SHROOM3: variants seen among roughly 807,000 people sequenced by gnomAD.
SHROOM3 encodes the protein protein Shroom3.
A neutral mutation model predicts 138.6 loss-of-function variants in SHROOM3; 47 were observed. The observed-to-expected ratio is 0.34, with a 90% CI of 0.27 to 0.43. The LOEUF is 0.43. SHROOM3 is among the 20% of genes least tolerant of loss of function. The pLI, the probability that SHROOM3 is intolerant of heterozygous loss-of-function variation, is 1.00. For synonymous variants in SHROOM3, 1,062 were observed against 1,063.3 expected, an observed-to-expected ratio of 1.00 and a Z score of 0.02; for missense variants, 2,491 against 2,596.5, an observed-to-expected ratio of 0.96 and a Z score of 0.88.
intron 2 of SHROOM3, among the ~76,000 whole-genome samples, chr4:76,588,622 C>T (rs1325402687): frequency 6.6e-6 from 1 of 152,192 alleles, no homozygotes; most frequent in Non-Finnish European, 1.5e-5. Flanking sequence ...AGTGTCCAGC[C>T]TTGGCCCCTG....
At chr4:76,557,232 C>CAT (rs1218400226) in intron 2 of SHROOM3, among the ~76,000 whole-genome samples, 2 of 146,996 alleles carry the variant, frequency 1.4e-5, no homozygotes, top group African/African-American at 5.2e-5. Flanking sequence ...TGTATACACA[C>CAT]ACACACACAC....
At chr4:76,459,600 A>G (rs1254303798) in intron 1 of SHROOM3, among the ~76,000 whole-genome samples, 1 of 152,196 alleles carries the variant, frequency 6.6e-6, no homozygotes, top group Non-Finnish European at 1.5e-5. Flanking sequence ...AATCTCGCAC[A>G]GCCAGATATG....
chr4:76,517,311 C>A (rs1009017197), intron 1 of SHROOM3, among the ~76,000 whole-genome samples: 1 of 152,116 alleles, frequency 6.6e-6, no homozygotes, highest in African/African-American at 2.4e-5. Context: ...TGGGTGTAGG[C>A]AAATCACCTG....
intron 2 of SHROOM3, among the ~76,000 whole-genome samples, chr4:76,654,296 G>C (rs1266591821): frequency 1.3e-5 from 2 of 152,202 alleles, no homozygotes; most frequent in African/African-American, 4.8e-5. Context: ...GTAGACAGGT[G>C]ACCTTGTCTG....
intron 2 of SHROOM3, among the ~76,000 whole-genome samples, chr4:76,641,950 G>T (rs968004452): frequency 5.3e-5 from 8 of 152,152 alleles, no homozygotes; most frequent in Non-Finnish European, 1.0e-4. Context: ...CATTTTTAGA[G>T]CTTAAGTAGG....
At chr4:76,520,942 G>C (rs892035463) in intron 1 of SHROOM3, among the ~76,000 whole-genome samples, 3 of 152,182 alleles carry the variant, frequency 2.0e-5, no homozygotes, top group Admixed American at 1.3e-4. Context: ...CTATCATAGC[G>C]GAGAATTCTC....
chr4:76,481,804 C>T (rs1446657278), intron 1 of SHROOM3, among the ~76,000 whole-genome samples: 1 of 152,180 alleles, frequency 6.6e-6, no homozygotes, highest in Admixed American at 6.5e-5. Context: ...AGCTTATCCA[C>T]CACAATCAAG....
chr4:76,731,395 G>C (rs576401278), intron 4 of SHROOM3, among the ~76,000 whole-genome samples: 1 of 152,108 alleles, frequency 6.6e-6, no homozygotes, highest in Non-Finnish European at 1.5e-5. Flanking sequence ...ATGTACTGAG[G>C]ACCACTCAGT....
chr4:76,518,575 TTGCCTGCC>T (rs901632269), intron 1 of SHROOM3, among the ~76,000 whole-genome samples: 1 of 117,510 alleles, frequency 8.5e-6, no homozygotes, highest in African/African-American at 3.2e-5. Context: ...TCTTGCCTGC[TTGCCTGCC>T]TGCCTGCCTG....
chr4:76,712,753 TG>T (rs1337829715), intron 3 of SHROOM3, among the ~76,000 whole-genome samples: 1 of 152,254 alleles, frequency 6.6e-6, no homozygotes, highest in Non-Finnish European at 1.5e-5. Flanking sequence ...AGTCACGTAT[TG>T]CTTAATGACA....
chr4:76,493,217 T>TC (rs1316341144), intron 1 of SHROOM3, among the ~76,000 whole-genome samples: 39 of 92,852 alleles, frequency 4.2e-4, no homozygotes, highest in Admixed American at 3.5e-3. Context: ...GGAGTGAAAC[T>TC]CCATCTCAAA....
At chr4:76,619,228 T>A (rs532916091) in intron 2 of SHROOM3, among the ~76,000 whole-genome samples, 13 of 152,328 alleles carry the variant, frequency 8.5e-5, no homozygotes, top group African/African-American at 2.9e-4. Flanking sequence ...ATAATCCTCC[T>A]TGTTTTCAAT....
chr4:76,729,707 A>G (rs1240287986), intron 3 of SHROOM3, among the ~76,000 whole-genome samples: 1 of 152,256 alleles, frequency 6.6e-6, no homozygotes, highest in African/African-American at 2.4e-5. Flanking sequence ...TAACGAAGTC[A>G]GGGCAAGAGC....
At chr4:76,731,490 G>T (rs1434067336) in intron 4 of SHROOM3, among the ~76,000 whole-genome samples, 1 of 152,134 alleles carries the variant, frequency 6.6e-6, no homozygotes, top group East Asian at 1.9e-4. Context: ...ATAGGAAATT[G>T]AAGCTTGCGG....
intron 1 of SHROOM3, among the ~76,000 whole-genome samples, chr4:76,520,119 T>C (rs937940818): frequency 1.3e-5 from 2 of 152,190 alleles, no homozygotes; most frequent in African/African-American, 4.8e-5. Flanking sequence ...AAGCAAGCCT[T>C]TGATCTTCAG....
intron 4 of SHROOM3, among the ~76,000 whole-genome samples, chr4:76,734,083 C>T (rs936566500): frequency 7.9e-5 from 12 of 152,120 alleles, no homozygotes; most frequent in African/African-American, 2.9e-4. Context: ...GTGATTCATT[C>T]ATTCAACAAA....
At chr4:76,456,915 T>C (rs1731038496) in intron 1 of SHROOM3, among the ~76,000 whole-genome samples, 1 of 152,168 alleles carries the variant, frequency 6.6e-6, no homozygotes, top group Non-Finnish European at 1.5e-5. Context: ...AAGTACATTC[T>C]CAAGGGTGGG....
intron 1 of SHROOM3, among the ~76,000 whole-genome samples, chr4:76,514,841 G>C (rs1379368702): frequency 6.6e-6 from 1 of 152,182 alleles, no homozygotes; most frequent in African/African-American, 2.4e-5. Flanking sequence ...TGAGCTGGGT[G>C]CAGTGGCTGA....
At chr4:76,657,927 CT>C (rs1736099870) in intron 2 of SHROOM3, among the ~76,000 whole-genome samples, 1 of 152,176 alleles carries the variant, frequency 6.6e-6, no homozygotes, top group Admixed American at 6.5e-5. Context: ...AGTCCTAGAA[CT>C]GGTCCTCTCC....
Sources: gnomAD v4.1 joint callset for allele counts (sites outside exome capture counted in the v4.1 genomes callset) on GRCh38, gnomAD v4.1.1 for gene constraint, MANE v1.5 for transcripts, NCBI Gene and HGNC (gene_info 2026-07-23, HGNC 2026-07-21) for gene names.